The following NDUFA13 variants were observed in gnomAD, a reference collection of about 807,000 sequenced individuals.
NDUFA13 encodes the protein NADH dehydrogenase [ubiquinone] 1 alpha subcomplex subunit 13.
NDUFA13 carries 16 observed loss-of-function variants against 17.0 expected under a neutral mutation model. That is an observed-to-expected ratio of 0.94 (90% CI 0.64 to 1.43). The LOEUF (loss-of-function observed/expected upper bound fraction) is 1.43, where lower values mean the gene tolerates loss of function less well. Among genes scored for constraint, NDUFA13 ranks in the 40% most tolerant of loss-of-function variants. The probability of loss-of-function intolerance (pLI) is 0.00; values close to 1 mark genes in which losing one functional copy is unlikely to be tolerated. For synonymous variants in NDUFA13, 87 were observed against 78.4 expected (o/e 1.11, Z -0.58); for missense variants, 228 against 206.7 (o/e 1.10, Z -0.63).
intron 1 of NDUFA13, among the ~76,000 whole-genome samples, chr19:19,517,382 C>T (rs2061054720): frequency 6.6e-6 from 1 of 151,656 alleles, no homozygotes; most frequent in African/African-American, 2.4e-5. Flanking sequence ...GCCCAGCTTT[C>T]TGTATTTTCT....
intron 1 of NDUFA13, among the ~76,000 whole-genome samples, chr19:19,517,900 T>C (rs1320560509): frequency 1.3e-5 from 2 of 152,168 alleles, no homozygotes; most frequent in Non-Finnish European, 2.9e-5. Context: ...TGACAAGTAT[T>C]TTGGGTTTGG....
intron 1 of NDUFA13, among the ~76,000 whole-genome samples, chr19:19,519,367 C>A (rs927792602): frequency 9.2e-5 from 14 of 152,144 alleles, no homozygotes; most frequent in Non-Finnish European, 1.9e-4. Flanking sequence ...TGTATAAATA[C>A]CCTGGTCCTC....
intron 1 of NDUFA13, among the ~76,000 whole-genome samples, chr19:19,520,230 C>T (rs1362064835): frequency 6.6e-6 from 1 of 152,142 alleles, no homozygotes; most frequent in African/African-American, 2.4e-5. Context: ...TCTCCTGTCC[C>T]CACTCCCTCC....
chr19:19,521,608 G>A lies in NDUFA13; in HGVS notation c.95-4574G>A, dbSNP rs564880177. Reference sequence around the variant, plus strand: ...AGTAGGGTTTTTTGTTTGTTTGTTCGTTTGTTTGTTTTGAGATGGAGTCTT... The same window carrying A: ...AGTAGGGTTTTTTGTTTGTTTGTTCATTTGTTTGTTTTGAGATGGAGTCTT... On this transcript the variant is annotated intron_variant, in intron 1 of 4. Coordinates refer to ENST00000507754, the MANE Select transcript of NDUFA13 (RefSeq NM_015965.7). 1.2e-4 allele frequency among the ~76,000 whole-genome samples: 18 copies of A among 151,932 alleles called. No homozygotes were observed. In the East Asian group the frequency reaches 2.5e-3, roughly 21 times the overall value.
chr19:19,526,647 A>G, intron 2 of NDUFA13: 1 of 344,874 alleles, frequency 2.9e-6, no homozygotes, highest in Non-Finnish European at 5.7e-6. Context: ...GGGCCCTCTA[A>G]GCAGGATTTT....
intron 1 of NDUFA13, among the ~76,000 whole-genome samples, chr19:19,521,646 G>A (rs191636253): frequency 1.3e-3 from 19 of 14,852 alleles, no homozygotes; most frequent in Admixed American, 0.01. Flanking sequence ...TCTGTCGCCC[G>A]GGCTGGAGTG....
intron 1 of NDUFA13, among the ~76,000 whole-genome samples, chr19:19,519,971 C>T (rs1482625351): frequency 2.5e-5 from 3 of 120,268 alleles, no homozygotes; most frequent in Admixed American, 9.1e-5. Context: ...TTTTTGTTCT[C>T]TTTTTTTTTT....
intron 1 of NDUFA13, among the ~76,000 whole-genome samples, chr19:19,519,045 A>ATTTTTT (rs71170693): frequency 0.11 from 12,628 of 114,296 alleles, 839 homozygotes; most frequent in Middle Eastern, 0.21. Context: ...GGCCCGGCCT[A>ATTTTTT]TTTTTTTTTT....
Position 19,516,349 on chromosome 19 carries a change from G to C in NDUFA13, c.94+17G>C. 6.2e-7 allele frequency: 1 copy of C among 1,612,844 alleles called. No homozygotes were observed. Among genetic ancestry groups the C allele is most frequent in the African/African-American group, 1.3e-5 (1 of 75,054 alleles). ...GACTGTCGGGTCAGTATCACTCTGC[G>C]CCGGGGTCTCAGAGTCTGGGCACTC... On this transcript the variant is annotated intron_variant, in intron 1 of 4. Transcript: ENST00000507754.
At chr19:19,518,182 A>T (rs1035970365) in intron 1 of NDUFA13, among the ~76,000 whole-genome samples, 4 of 150,832 alleles carry the variant, frequency 2.7e-5, no homozygotes, top group Non-Finnish European at 4.4e-5. Flanking sequence ...CCCAGAACAC[A>T]TTGGAGGAAT....
intron 2 of NDUFA13, 90 bp downstream of exon 2, chr19:19,526,350 G>A: frequency 1.4e-6 from 2 of 1,412,186 alleles, no homozygotes; most frequent in Non-Finnish European, 9.8e-7. Flanking sequence ...TGCTGGCGAG[G>A]GGTGAACGGG....
intron 1 of NDUFA13, among the ~76,000 whole-genome samples, chr19:19,524,409 GC>G (rs1224717330): frequency 6.6e-6 from 1 of 152,256 alleles, no homozygotes; most frequent in African/African-American, 2.4e-5. Context: ...TTACAGATGG[GC>G]CTGCGTATGA....
At chr19:19,527,395 G>T (rs778852022) in intron 3 of NDUFA13, 43 bp downstream of exon 3, 1 of 1,608,748 alleles carries the variant, frequency 6.2e-7, no homozygotes, top group South Asian at 1.1e-5. Flanking sequence ...CTGGCCGGAA[G>T]GCCCCAGGCT....
intron 1 of NDUFA13, among the ~76,000 whole-genome samples, chr19:19,520,137 C>T (rs546641237): frequency 9.2e-5 from 14 of 152,044 alleles, no homozygotes; most frequent in African/African-American, 3.4e-4. Flanking sequence ...AGCCACTGCG[C>T]CCGGCTGGCT....
Position 19,527,306 on chromosome 19 carries a change from G to T in NDUFA13, c.199G>T (p.Ala67Ser), listed in dbSNP as rs763745128. 1 of 1,613,856 alleles carries T rather than the reference G, an allele frequency of 6.2e-7. No homozygotes were observed. Among genetic ancestry groups the T allele is most frequent in the African/African-American group, 1.3e-5 (1 of 74,946 alleles). ...GCGCCTACAAATCGAGGACTTCGAG[G>T]CTCGCATCGCGCTGTTGCCACTGTT... is the stretch of plus-strand genomic sequence containing the variant. ...RRRLQIEDFE[A>S]RIALLPLLQA... The change falls in exon 3 of 5, where the codon GCT becomes TCT. Residue 67 changes from alanine (A) to serine (S), a missense_variant. Physicochemically the swap from Ala to Ser is moderately conservative, Grantham distance 99. Transcript: ENST00000507754.
At chr19:19,524,759 T>C (rs2061093038) in intron 1 of NDUFA13, among the ~76,000 whole-genome samples, 1 of 151,964 alleles carries the variant, frequency 6.6e-6, no homozygotes, top group African/African-American at 2.4e-5. Context: ...TGAGCCAAGA[T>C]CTTGCCACTG....
At chr19:19,527,584 C>G in intron 3 of NDUFA13, 117 bp from the exon 4 acceptor site, 3 of 992,400 alleles carry the variant, frequency 3.0e-6, no homozygotes, top group Non-Finnish European at 4.7e-6. Flanking sequence ...TAGGAGTTGG[C>G]TGGGGGAAAA....
Position 19,527,697 on chromosome 19 carries a change from A to G in NDUFA13, c.246-4A>G. ...CACCCCCACCATCGGCCCCATCCCCACAGGACCTTGCAGATGCTTCGGGAG... is the reference window on the plus strand; with the variant it reads ...CACCCCCACCATCGGCCCCATCCCCGCAGGACCTTGCAGATGCTTCGGGAG... On this transcript the variant is annotated splice_region_variant and splice_polypyrimidine_tract_variant and intron_variant, in intron 3 of 4. Transcript: ENST00000507754. The G allele has an allele frequency of 6.4e-7, 1 of 1,551,502 alleles. No individual in the cohort carries two copies.
Position 19,517,432 on chromosome 19 carries a change from G to A in NDUFA13, c.94+1100G>A, listed in dbSNP as rs145914426. Among the ~76,000 whole-genome samples the A allele has an allele frequency of 3.6e-3, 541 of 151,724 alleles. 6 individuals are homozygous for A. Among genetic ancestry groups the A allele is most frequent in the Non-Finnish European group, 5.5e-3 (375 of 67,894 alleles). On this transcript the variant is annotated intron_variant, in intron 1 of 4. Coordinates refer to ENST00000507754, the MANE Select transcript of NDUFA13 (RefSeq NM_015965.7). ...TCGCCATCTTGCCCAGGCTGGTCTC[G>A]AAGTCCTGGGCTCAAGTGATCCACC...
Sources: gnomAD v4.1 joint callset for allele counts (sites outside exome capture counted in the v4.1 genomes callset) on GRCh38, gnomAD v4.1.1 for gene constraint, MANE v1.5 for transcripts, NCBI Gene and HGNC (gene_info 2026-07-23, HGNC 2026-07-21) for gene names.